DACH1: variants seen among roughly 807,000 people sequenced by gnomAD.
DACH1 encodes dachshund homolog 1.
A neutral mutation model predicts 54.2 loss-of-function variants in DACH1; 12 were observed. The ratio of observed to expected loss-of-function variants is 0.22; its 90% CI spans 0.14 to 0.36. The LOEUF (loss-of-function observed/expected upper bound fraction) is 0.36. Among genes scored for constraint, DACH1 ranks in the 10% least tolerant of loss-of-function variants. The pLI is 1.00. For missense variants in DACH1, 805 were observed against 929.8 expected (o/e 0.87, Z 1.75); for synonymous variants, 386 against 366.2 (o/e 1.05, Z -0.62).
At position 71,866,465 on chromosome 13, in the gene DACH1, C is replaced by T; in HGVS notation, c.305G>A (p.Ser102Asn). The stretch of plus-strand genomic sequence containing the variant: ...GGCCGCCAGGTTGGGGTTGCAGTTG[C>T]TGCCACCGCCGCCGCCGCCACCGCC... ...GGGGGGGGGG[S>N]NCNPNLAAAS... The change falls in exon 1 of 11, where the codon AGC (serine) becomes AAC (asparagine). Residue 102 changes from serine (S) to asparagine (N), a missense_variant. Ser to Asn is a conservative substitution (Grantham distance 46). Coordinates refer to ENST00000613252, the MANE Select transcript of DACH1 (RefSeq NM_080759.6). 1.6e-6 allele frequency: 2 copies of T among 1,287,240 alleles called. No homozygotes were observed. Among genetic ancestry groups the T allele is most frequent in the East Asian group, 3.2e-5 (1 of 31,462 alleles). 79.7% of individuals were successfully genotyped at this position (1,287,240 alleles called of 1,614,324 possible). A position where few individuals can be genotyped will look rare whatever the true frequency, so the allele number is the denominator to read the frequency against.
intron 3 of DACH1, among the ~76,000 whole-genome samples, chr13:71,574,304 ATTAAT>A (rs1449379757): frequency 2.0e-5 from 3 of 152,274 alleles, no homozygotes; most frequent in South Asian, 4.1e-4. Context: ...CCCAAATTAA[ATTAAT>A]TTAACATTAA....
chr13:71,656,366 G>A (rs1879089004), intron 2 of DACH1, among the ~76,000 whole-genome samples: 1 of 151,818 alleles, frequency 6.6e-6, no homozygotes, highest in Non-Finnish European at 1.5e-5. Context: ...TTAATCATTG[G>A]CCTAACATTT....
intron 6 of DACH1, among the ~76,000 whole-genome samples, chr13:71,515,337 C>A (rs567156586): frequency 4.6e-5 from 7 of 151,974 alleles, no homozygotes; most frequent in African/African-American, 1.4e-4. Context: ...TATATAGAAA[C>A]ATATTCCAAC....
At chr13:71,636,549 A>AAT in intron 2 of DACH1, among the ~76,000 whole-genome samples, 1 of 146,908 alleles carries the variant, frequency 6.8e-6, no homozygotes, top group Non-Finnish European at 1.5e-5. Flanking sequence ...CACAAAGTAA[A>AAT]AATAATAATA....
chr13:71,853,942 A>G (rs1006882331), intron 1 of DACH1, among the ~76,000 whole-genome samples: 2 of 151,968 alleles, frequency 1.3e-5, no homozygotes, highest in African/African-American at 4.8e-5. Context: ...GTATCTTAGC[A>G]CCCACTTTGA....
At chr13:71,539,380 G>T (rs907275811) in intron 6 of DACH1, among the ~76,000 whole-genome samples, 1 of 151,902 alleles carries the variant, frequency 6.6e-6, no homozygotes, top group Non-Finnish European at 1.5e-5. Flanking sequence ...TTTCAGTTGT[G>T]GACTACAGAA....
chr13:71,628,998 CCAGATTGTTT>C (rs1216283664), intron 3 of DACH1, among the ~76,000 whole-genome samples: 1 of 152,012 alleles, frequency 6.6e-6, no homozygotes, highest in African/African-American at 2.4e-5. Flanking sequence ...TGAAAACAAT[CCAGATTGTTT>C]TGTAATAATA....
chr13:71,865,589 G>A (rs924255546), intron 1 of DACH1, among the ~76,000 whole-genome samples: 5 of 152,142 alleles, frequency 3.3e-5, no homozygotes, highest in Non-Finnish European at 5.9e-5. Flanking sequence ...GGGGCAGGGG[G>A]CTGTGGCTCC....
chr13:71,587,498 A>G (rs1343671547), intron 3 of DACH1, among the ~76,000 whole-genome samples: 2 of 152,164 alleles, frequency 1.3e-5, no homozygotes, highest in African/African-American at 4.8e-5. Context: ...ATTTGACTGA[A>G]ATAAAAACTT....
Position 71,479,152 on chromosome 13 carries a change from TG to T in DACH1, c.1870+16del. ...ATTTTCTGTAAATATTTAACTTATC[TG>T]GAAATTTGGAAATACCTCTATTCTT... On this transcript the variant is annotated intron_variant, in intron 8 of 10. Coordinates refer to ENST00000613252, the MANE Select transcript of DACH1 (RefSeq NM_080759.6). The T allele has an allele frequency of 6.3e-7, 1 of 1,589,880 alleles. No individual in the cohort carries two copies.
intron 2 of DACH1, among the ~76,000 whole-genome samples, chr13:71,670,533 A>T (rs1271341273): frequency 6.6e-6 from 1 of 152,140 alleles, no homozygotes; most frequent in African/African-American, 2.4e-5. Context: ...CCTAAAAAGT[A>T]AACATTTCAT....
At chr13:71,842,273 C>A (rs1201456379) in intron 1 of DACH1, among the ~76,000 whole-genome samples, 1 of 152,076 alleles carries the variant, frequency 6.6e-6, no homozygotes, top group Non-Finnish European at 1.5e-5. Flanking sequence ...TTGGAGAAAA[C>A]GCTTTATAGT....
chr13:71,742,959 A>T (rs1042972641), intron 1 of DACH1, among the ~76,000 whole-genome samples: 1 of 152,118 alleles, frequency 6.6e-6, no homozygotes, highest in Non-Finnish European at 1.5e-5. Flanking sequence ...CCCTAAAGTC[A>T]CATAACATAT....
chr13:71,588,326 G>C (rs1349137939), intron 3 of DACH1, among the ~76,000 whole-genome samples: 1 of 151,988 alleles, frequency 6.6e-6, no homozygotes, highest in Non-Finnish European at 1.5e-5. Context: ...AAAAGTCCAG[G>C]AATTCTGTTC....
chr13:71,698,315 C>A (rs1881936834), intron 1 of DACH1, among the ~76,000 whole-genome samples: 1 of 152,078 alleles, frequency 6.6e-6, no homozygotes, highest in South Asian at 2.1e-4. Flanking sequence ...TTTACAATTT[C>A]ACTAGCACAT....
intron 6 of DACH1, among the ~76,000 whole-genome samples, chr13:71,500,798 A>G (rs1879850933): frequency 6.6e-6 from 1 of 151,622 alleles, no homozygotes; most frequent in South Asian, 2.1e-4. Flanking sequence ...TTTTTCTCTC[A>G]CTCAAACTTC....
intron 1 of DACH1, among the ~76,000 whole-genome samples, chr13:71,695,855 A>C (rs1409243116): frequency 6.6e-6 from 1 of 152,188 alleles, no homozygotes; most frequent in East Asian, 1.9e-4. Context: ...TGAGTTTGGC[A>C]ACTGCAGATC....
intron 1 of DACH1, among the ~76,000 whole-genome samples, chr13:71,766,031 C>T (rs1427982282): frequency 6.6e-6 from 1 of 151,980 alleles, no homozygotes; most frequent in African/African-American, 2.4e-5. Flanking sequence ...GGACAACAGG[C>T]GCCCGCCACC....
intron 1 of DACH1, among the ~76,000 whole-genome samples, chr13:71,684,954 A>T (rs946635486): frequency 6.6e-6 from 1 of 152,190 alleles, no homozygotes; most frequent in Non-Finnish European, 1.5e-5. Flanking sequence ...AAGCCCAGAG[A>T]AAATAGAATA....
Sources: allele counts gnomAD v4.1 joint callset (sites outside exome capture counted in the v4.1 genomes callset), GRCh38; gene constraint gnomAD v4.1.1; transcripts MANE v1.5; gene names NCBI Gene and HGNC (gene_info 2026-07-23, HGNC 2026-07-21).